Variants in NBN observed in about 807,000 individuals in gnomAD.
NBN encodes the protein nibrin, also known as Nijmegen breakage syndrome 1 (nibrin).
In NBN, 88 loss-of-function variants were observed where a neutral mutation model predicts 90.8. The observed-to-expected ratio is 0.97, with a 90% CI of 0.82 to 1.16. The LOEUF (loss-of-function observed/expected upper bound fraction) is 1.16, where lower values mean the gene tolerates loss of function less well. Among genes scored for constraint, NBN ranks in the 50% most tolerant of loss-of-function variants. The pLI is 0.00. For synonymous variants in NBN, 328 were observed against 295.1 expected (o/e 1.11, Z -1.14); for missense variants, 894 against 869.6 (o/e 1.03, Z -0.35).
chr8:89,951,549 C>T lies in NBN; in HGVS notation c.1845+1695G>A, dbSNP rs193168186. Among the ~76,000 whole-genome samples the T allele has an allele frequency of 3.9e-5, 6 of 152,164 alleles. No individual in the cohort carries two copies. In the East Asian group the frequency reaches 1.2e-3, roughly 29 times the overall value. On this transcript the variant is annotated intron_variant, in intron 11 of 15. Transcript: ENST00000265433. ...AAAGTAACAATGTAAATCCATAATA[C>T]CAACAGAATAAAGATAGCTTTATAA...
chr8:89,976,247 T>C lies in NBN; in HGVS notation c.584+1973A>G, dbSNP rs554533763. On this transcript the variant is annotated intron_variant, in intron 5 of 15. Transcript: ENST00000265433. Reference sequence around the variant, plus strand: ...CCTTGGCATCCCGAAGTGCTGGGATTACAGGCGTGAGCCACCAGGGCTGGC... The same window carrying C: ...CCTTGGCATCCCGAAGTGCTGGGATCACAGGCGTGAGCCACCAGGGCTGGC... 7.2e-5 allele frequency among the ~76,000 whole-genome samples: 11 copies of C among 152,322 alleles called. 1 individual carries two copies. In the South Asian group the frequency reaches 2.1e-3, roughly 29 times the overall value.
chr8:89,973,045 T>G (rs890050852), intron 5 of NBN, among the ~76,000 whole-genome samples: 19 of 152,206 alleles, frequency 1.2e-4, no homozygotes, highest in Admixed American at 7.2e-4. Flanking sequence ...TAAACATATG[T>G]GTATGGTAGC....
intron 12 of NBN, chr8:89,946,650 G>T (rs1385728701): frequency 4.1e-6 from 1 of 244,014 alleles, no homozygotes; most frequent in South Asian, 5.0e-5. Flanking sequence ...AGCACTGTTT[G>T]CTTTTCATTA....
In NBN at chr8:89,981,520, G is replaced by C. The variant is rs1554568427; in HGVS notation, c.175C>G (p.Gln59Glu). 1 of 1,612,900 alleles carries C rather than the reference G, an allele frequency of 6.2e-7. No individual in the cohort carries two copies. Among genetic ancestry groups the C allele is most frequent in the South Asian group, 1.1e-5 (1 of 90,982 alleles). Residue 59 changes from glutamine to glutamate, a missense_variant, in exon 3 of 16, where the codon CAA becomes GAA. Coordinates refer to ENST00000265433, the MANE Select transcript of NBN (RefSeq NM_002485.5). ...GTCAATACAGGGATTTCATCTGTTT[G>C]ACTCTGAAAAGTTAGCAAATAATTT... ...TANFSVTNLS[Q>E]TDEIPVLTLK... is the part of the protein sequence containing the mutation.
At chr8:89,972,501 A>G (rs530149302) in intron 5 of NBN, among the ~76,000 whole-genome samples, 3 of 152,388 alleles carry the variant, frequency 2.0e-5, no homozygotes, top group Admixed American at 6.5e-5. Context: ...TACTTTTAAA[A>G]TATACAGAGA....
chr8:89,963,477 A>T (rs1811092787), intron 8 of NBN, among the ~76,000 whole-genome samples: 1 of 152,204 alleles, frequency 6.6e-6, no homozygotes, highest in Non-Finnish European at 1.5e-5. Flanking sequence ...AATTAGATAA[A>T]AGTTAGTAGA....
At chr8:89,973,013 G>A (rs1163769783) in intron 5 of NBN, among the ~76,000 whole-genome samples, 3 of 152,156 alleles carry the variant, frequency 2.0e-5, no homozygotes, top group Admixed American at 6.5e-5. Context: ...AGCTTAGTTC[G>A]ATGAAGTTTG....
intron 11 of NBN, among the ~76,000 whole-genome samples, chr8:89,951,311 C>CAAAAAAAAAAAA (rs71268296): frequency 1.5e-5 from 1 of 68,260 alleles, no homozygotes; most frequent in Non-Finnish European, 2.8e-5. Context: ...GACTCTGTCT[C>CAAAAAAAAAAAA]AAAAAAAAAA....
In NBN at chr8:89,937,212, A is replaced by G. The variant is rs1586024654; in HGVS notation, c.2185-137T>C. 5.5e-6 allele frequency: 4 copies of G among 724,420 alleles called. No homozygotes were observed. In the East Asian group the frequency reaches 1.1e-4, roughly 20 times the overall value. 44.9% of individuals were successfully genotyped at this position (724,420 alleles called of 1,614,324 possible). A position where few individuals can be genotyped will look rare whatever the true frequency, so the allele number is the denominator to read the frequency against. Reference sequence around the variant, plus strand: ...ACCACATCTGAGTTCTTGCCTCTACAATATTTCATTCAACTGATCCTCTAT... The same window carrying G: ...ACCACATCTGAGTTCTTGCCTCTACGATATTTCATTCAACTGATCCTCTAT... On this transcript the variant is annotated intron_variant, in intron 14 of 15. Transcript: ENST00000265433.
rs926262690 is a variant in NBN, at chr8:89,933,664, A to C, written c.*1918T>G. ...TCACAAATATAAAAATATAAAGTTT[A>C]TATAATAGAGCAGAATATCTGAAAT... On this transcript the variant is annotated 3_prime_UTR_variant, in exon 16 of 16. Transcript: ENST00000265433. 8 of 232,422 alleles carry C rather than the reference A, an allele frequency of 3.4e-5. No individual in the cohort carries two copies. The highest frequency in any genetic ancestry group is 1.8e-4 in the African/African-American group (8 of 45,448). The allele number at this position is 232,422 out of a possible 1,614,324, so 14.4% of individuals were successfully genotyped here. A position where few individuals can be genotyped will look rare whatever the true frequency, so the allele number is the denominator to read the frequency against.
intron 8 of NBN, among the ~76,000 whole-genome samples, chr8:89,961,367 C>T (rs2129763827): frequency 6.6e-6 from 1 of 152,248 alleles, no homozygotes; most frequent in South Asian, 2.1e-4. Context: ...TAGTAAGAGC[C>T]TACAATCTAC....
chr8:89,965,943 G>T (rs922850992), intron 7 of NBN, among the ~76,000 whole-genome samples: 5 of 152,038 alleles, frequency 3.3e-5, no homozygotes, highest in African/African-American at 1.2e-4. Flanking sequence ...ATAATCAAGT[G>T]ATCACATATA....
chr8:89,962,394 T>A (rs1271860781), intron 8 of NBN, among the ~76,000 whole-genome samples: 1 of 152,208 alleles, frequency 6.6e-6, no homozygotes, highest in African/African-American at 2.4e-5. Context: ...CTAAAATTAC[T>A]GATACTGATC....
chr8:89,963,060 T>C (rs866967974), intron 8 of NBN, among the ~76,000 whole-genome samples: 12 of 152,202 alleles, frequency 7.9e-5, no homozygotes, highest in Non-Finnish European at 1.3e-4. Flanking sequence ...AGGACTGTTT[T>C]GCAGATTAAA....
At chr8:89,983,812 G>A (rs1298921142) in intron 1 of NBN, among the ~76,000 whole-genome samples, 1 of 152,038 alleles carries the variant, frequency 6.6e-6, no homozygotes, top group East Asian at 1.9e-4. Flanking sequence ...CTCCAGGGAC[G>A]CCTTGACCTG....
At chr8:89,942,661 C>A (rs1232025667) in intron 14 of NBN, among the ~76,000 whole-genome samples, 1 of 152,062 alleles carries the variant, frequency 6.6e-6, no homozygotes, top group Non-Finnish European at 1.5e-5. Context: ...GGATGCAATG[C>A]CAACTAGAGT....
intron 8 of NBN, among the ~76,000 whole-genome samples, chr8:89,963,394 A>G (rs1188811737): frequency 6.6e-6 from 1 of 152,192 alleles, no homozygotes; most frequent in Non-Finnish European, 1.5e-5. Flanking sequence ...TGCTGATGAA[A>G]TAACTACACA....
chr8:89,933,937 C>T lies in NBN; in HGVS notation c.*1645G>A, dbSNP rs549979435. On this transcript the variant is annotated 3_prime_UTR_variant, in exon 16 of 16. Transcript: ENST00000265433. Reference sequence around the variant, plus strand: ...ACCAAAATGAAACATCACTACACACCGATTGGAATGGTTAAAAAGGAAAAA... The same window carrying T: ...ACCAAAATGAAACATCACTACACACTGATTGGAATGGTTAAAAAGGAAAAA... The T allele has an allele frequency of 1.7e-5, 4 of 231,230 alleles. No individual in the cohort carries two copies. The highest frequency in any genetic ancestry group is 6.2e-5 in the East Asian group (1 of 16,218). 14.3% of individuals were successfully genotyped at this position (231,230 alleles called of 1,614,324 possible). A position where few individuals can be genotyped will look rare whatever the true frequency, so the allele number is the denominator to read the frequency against.
Position 89,933,596 on chromosome 8 carries a change from C to T in NBN, c.*1986G>A, listed in dbSNP as rs1001425318. The T allele has an allele frequency of 4.3e-6, 1 of 231,914 alleles. No homozygotes were observed. The highest frequency in any genetic ancestry group is 5.6e-5 in the Admixed American group (1 of 17,746). 14.4% of individuals were successfully genotyped at this position (231,914 alleles called of 1,614,324 possible). On this transcript the variant is annotated 3_prime_UTR_variant, in exon 16 of 16. Coordinates refer to ENST00000265433, the MANE Select transcript of NBN (RefSeq NM_002485.5). Reference sequence around the variant, plus strand: ...ATACTTGTATGGGGGAAAAAAAGAACCCTGATCCATAATTCACAACATACA... The same window carrying T: ...ATACTTGTATGGGGGAAAAAAAGAATCCTGATCCATAATTCACAACATACA...
Sources: allele counts gnomAD v4.1 joint callset (sites outside exome capture counted in the v4.1 genomes callset), GRCh38; gene constraint gnomAD v4.1.1; transcripts MANE v1.5; gene names NCBI Gene and HGNC (gene_info 2026-07-23, HGNC 2026-07-21).